KDM2A: variants seen among roughly 807,000 people sequenced by gnomAD.
The protein encoded by KDM2A is lysine-specific demethylase 2A.
KDM2A carries 3 observed loss-of-function variants against 137.3 expected under a neutral mutation model. The ratio of observed to expected loss-of-function variants is 0.02; its 90% CI spans 0.01 to 0.06. The LOEUF (loss-of-function observed/expected upper bound fraction) is 0.06, where lower values mean the gene tolerates loss of function less well. Ranked by LOEUF, KDM2A falls within the 10% of genes least tolerant of loss-of-function variation. KDM2A has a pLI of 1.00. For missense variants in KDM2A, 738 were observed against 1,510.6 expected, an observed-to-expected ratio of 0.49 and a Z score of 8.48; for synonymous variants, 512 against 541.5, an observed-to-expected ratio of 0.95 and a Z score of 0.76.
chr11:67,120,532 C>T (rs1208456309), intron 1 of KDM2A, among the ~76,000 whole-genome samples: 1 of 152,192 alleles, frequency 6.6e-6, no homozygotes, highest in Admixed American at 6.5e-5. Context: ...GATGTATTTT[C>T]CTTGTATCCT....
intron 2 of KDM2A, chr11:67,149,277 GTC>G (rs765475064): frequency 3.5e-4 from 54 of 152,152 alleles, no homozygotes; most frequent in Admixed American, 1.4e-3. Context: ...ACCTTTCTGA[GTC>G]TCAGGTTTAT....
At chr11:67,122,974 CT>C in intron 2 of KDM2A, among the ~76,000 whole-genome samples, 1 of 151,854 alleles carries the variant, frequency 6.6e-6, no homozygotes, top group East Asian at 1.9e-4. Flanking sequence ...TGCATCTGGC[CT>C]TTTATTTTTA....
intron 2 of KDM2A, among the ~76,000 whole-genome samples, chr11:67,161,842 T>C (rs564489697): frequency 6.6e-6 from 1 of 152,336 alleles, no homozygotes; most frequent in African/African-American, 2.4e-5. Flanking sequence ...ATATCATGTG[T>C]GATGATAATG....
chr11:67,150,713 T>G (rs2136306149), intron 2 of KDM2A, among the ~76,000 whole-genome samples: 1 of 152,142 alleles, frequency 6.6e-6, no homozygotes, highest in South Asian at 2.1e-4. Flanking sequence ...GAGAAAACTG[T>G]GGGAGAGAGG....
chr11:67,133,016 A>G (rs1590708147), intron 2 of KDM2A, among the ~76,000 whole-genome samples: 1 of 152,262 alleles, frequency 6.6e-6, no homozygotes, highest in South Asian at 2.1e-4. Context: ...GCAGCATGTT[A>G]TGATAGAGAA....
chr11:67,190,469 G>T (rs891982956), intron 5 of KDM2A, among the ~76,000 whole-genome samples: 2 of 152,138 alleles, frequency 1.3e-5, no homozygotes, highest in Admixed American at 6.6e-5. Context: ...AAAAAGGATT[G>T]TAAGAGAATA....
At chr11:67,214,677 G>T (rs776702207) in intron 6 of KDM2A, among the ~76,000 whole-genome samples, 2 of 152,052 alleles carry the variant, frequency 1.3e-5, no homozygotes, top group Non-Finnish European at 2.9e-5. Flanking sequence ...TCACTGTGTT[G>T]CCCAGGCTGG....
intron 5 of KDM2A, among the ~76,000 whole-genome samples, chr11:67,187,166 A>G (rs1565394494): frequency 6.6e-6 from 1 of 152,236 alleles, no homozygotes; most frequent in Non-Finnish European, 1.5e-5. Flanking sequence ...TACAGAAGGA[A>G]ATGAGAAAGG....
At chr11:67,210,762 A>T (rs940509619) in intron 6 of KDM2A, among the ~76,000 whole-genome samples, 6 of 152,224 alleles carry the variant, frequency 3.9e-5, no homozygotes, top group Non-Finnish European at 2.9e-5. Context: ...TTTTGTTGAT[A>T]GAATAAGATA....
chr11:67,221,100 G>A (rs1422103705), intron 10 of KDM2A, among the ~76,000 whole-genome samples: 2 of 151,892 alleles, frequency 1.3e-5, no homozygotes, highest in African/African-American at 4.8e-5. Flanking sequence ...ACTAAGTGTT[G>A]TTTGCTGGCT....
intron 16 of KDM2A, among the ~76,000 whole-genome samples, chr11:67,249,190 C>T (rs1027567051): frequency 6.6e-6 from 1 of 152,192 alleles, no homozygotes; most frequent in Non-Finnish European, 1.5e-5. Context: ...CCAAAGTTCT[C>T]CTTAGTTCTT....
At chr11:67,219,265 G>A in intron 9 of KDM2A, 23 bp from the exon 10 acceptor site, 1 of 1,297,588 alleles carries the variant, frequency 7.7e-7, no homozygotes, top group Non-Finnish European at 1.1e-6. Flanking sequence ...TTCAGCCACT[G>A]CCCTCTGTTC....
At chr11:67,160,226 A>G (rs967097388) in intron 2 of KDM2A, among the ~76,000 whole-genome samples, 3 of 152,190 alleles carry the variant, frequency 2.0e-5, no homozygotes, top group Non-Finnish European at 4.4e-5. Flanking sequence ...AGCAATTGCC[A>G]TCAGTAGAGT....
At chr11:67,211,941 G>A (rs1032149826) in intron 6 of KDM2A, among the ~76,000 whole-genome samples, 10 of 152,088 alleles carry the variant, frequency 6.6e-5, no homozygotes, top group Non-Finnish European at 1.2e-4. Flanking sequence ...TCTTGTTAGA[G>A]ACTCAAAGAA....
intron 5 of KDM2A, among the ~76,000 whole-genome samples, chr11:67,184,785 CT>C (rs369248041): frequency 4.6e-5 from 7 of 152,208 alleles, no homozygotes; most frequent in Admixed American, 1.3e-4. Context: ...CGTAAGAAAA[CT>C]TAAGTGTATA....
intron 5 of KDM2A, among the ~76,000 whole-genome samples, chr11:67,203,467 T>TC (rs71056185): frequency 4.7e-4 from 69 of 146,632 alleles, no homozygotes; most frequent in East Asian, 1.6e-3. Flanking sequence ...TTATTAATTA[T>TC]TAATAATTAT....
Position 67,216,020 on chromosome 11 carries a change from C to T in KDM2A, c.687+71C>T, listed in dbSNP as rs189616463. 1.5e-3 allele frequency: 1,544 copies of T among 1,049,062 alleles called. 9 individuals carry two copies. Among genetic ancestry groups the T allele is most frequent in the Middle Eastern group, 9.7e-3 (45 of 4,630 alleles). 65.0% of individuals were successfully genotyped at this position (1,049,062 alleles called of 1,614,324 possible). A position where few individuals can be genotyped will look rare whatever the true frequency, so the allele number is the denominator to read the frequency against. ...ATGACTTTGCTTCAGTTCATGTATA[C>T]TTAATATACCCTGGAAATGAATCTG... On this transcript the variant is annotated intron_variant, in intron 8 of 20. Transcript: ENST00000529006.
At chr11:67,215,114 A>G (rs1293149318) in intron 6 of KDM2A, among the ~76,000 whole-genome samples, 1 of 152,206 alleles carries the variant, frequency 6.6e-6, no homozygotes, top group Admixed American at 6.5e-5. Flanking sequence ...TGTCTTTACT[A>G]TTATCATTTG....
At chr11:67,172,833 G>A (rs1856906546) in intron 2 of KDM2A, among the ~76,000 whole-genome samples, 1 of 151,898 alleles carries the variant, frequency 6.6e-6, no homozygotes, top group Admixed American at 6.6e-5. Context: ...ACATATCTTT[G>A]TCTTGTTCCT....
Sources: gnomAD v4.1 joint callset for allele counts (sites outside exome capture counted in the v4.1 genomes callset) on GRCh38, gnomAD v4.1.1 for gene constraint, MANE v1.5 for transcripts, NCBI Gene and HGNC (gene_info 2026-07-23, HGNC 2026-07-21) for gene names.